SLCO5A1: variants seen among roughly 807,000 people sequenced by gnomAD.
SLCO5A1 encodes solute carrier organic anion transporter family member 5A1.
In SLCO5A1, 39 loss-of-function variants were observed where a neutral mutation model predicts 65.1. The observed-to-expected ratio is 0.60, with a 90% CI of 0.46 to 0.78. The LOEUF is 0.78. Among genes scored for constraint, SLCO5A1 ranks in the 30% least tolerant of loss-of-function variants. The pLI, the probability that SLCO5A1 is intolerant of heterozygous loss-of-function variation, is 0.00. For missense variants in SLCO5A1, 1,029 were observed against 1,069.4 expected (o/e 0.96, Z 0.53); for synonymous variants, 438 against 415.7 (o/e 1.05, Z -0.65).
At chr8:69,721,990 A>G (rs1815844563) in intron 5 of SLCO5A1, among the ~76,000 whole-genome samples, 1 of 152,086 alleles carries the variant, frequency 6.6e-6, no homozygotes, top group Non-Finnish European at 1.5e-5. Context: ...TAGCCAACAT[A>G]GCAAAACCTC....
chr8:69,715,645 T>C (rs927060404), intron 5 of SLCO5A1, among the ~76,000 whole-genome samples: 2 of 152,200 alleles, frequency 1.3e-5, no homozygotes, highest in African/African-American at 4.8e-5. Context: ...AGTCTGCACA[T>C]CTGAACTATA....
At chr8:69,797,857 G>A (rs927703773) in intron 2 of SLCO5A1, among the ~76,000 whole-genome samples, 9 of 152,206 alleles carry the variant, frequency 5.9e-5, no homozygotes, top group Non-Finnish European at 1.0e-4. Flanking sequence ...CTGTGATCTC[G>A]CCCTGCCTCC....
intron 2 of SLCO5A1, among the ~76,000 whole-genome samples, chr8:69,824,115 A>G (rs974254561): frequency 3.3e-5 from 5 of 152,128 alleles, no homozygotes; most frequent in South Asian, 2.1e-4. Context: ...TCTCTGGGAC[A>G]CATTTAAAGC....
chr8:69,784,848 A>AAAGAAAGAAAGAAAGAAAGAAAGG (rs1563722782), intron 2 of SLCO5A1, among the ~76,000 whole-genome samples: 8 of 144,158 alleles, frequency 5.5e-5, no homozygotes, highest in African/African-American at 2.0e-4. Context: ...AGAAAGAAAG[A>AAAGAAAGAAAGAAAGAAAGAAAGG]AAGAAAGAAA....
At chr8:69,688,404 T>C (rs1251450621) in intron 6 of SLCO5A1, among the ~76,000 whole-genome samples, 1 of 152,126 alleles carries the variant, frequency 6.6e-6, no homozygotes. Context: ...GTTACATATG[T>C]ATACATGTGC....
intron 2 of SLCO5A1, among the ~76,000 whole-genome samples, chr8:69,809,250 G>A (rs1025848414): frequency 1.3e-5 from 2 of 152,038 alleles, no homozygotes; most frequent in African/African-American, 4.8e-5. Flanking sequence ...AAGCTTAAAG[G>A]TTCAAAATTG....
At chr8:69,701,001 C>T (rs1012093488) in intron 6 of SLCO5A1, among the ~76,000 whole-genome samples, 2 of 151,978 alleles carry the variant, frequency 1.3e-5, no homozygotes, top group Admixed American at 6.6e-5. Flanking sequence ...GAGAGAGGCA[C>T]AGGAATTCTC....
intron 6 of SLCO5A1, among the ~76,000 whole-genome samples, 194 bp from the exon 7 acceptor site, chr8:69,682,537 C>A (rs1375003232): frequency 6.6e-6 from 1 of 152,176 alleles, no homozygotes; most frequent in African/African-American, 2.4e-5. Flanking sequence ...AATGTTTCAA[C>A]TTACTGGTAT....
At chr8:69,819,212 G>A (rs1200496991) in intron 2 of SLCO5A1, among the ~76,000 whole-genome samples, 1 of 151,988 alleles carries the variant, frequency 6.6e-6, no homozygotes, top group Non-Finnish European at 1.5e-5. Flanking sequence ...TGATGAATTT[G>A]GAATAAACCG....
chr8:69,701,745 G>A (rs1043112079), intron 6 of SLCO5A1, among the ~76,000 whole-genome samples: 1 of 152,140 alleles, frequency 6.6e-6, no homozygotes, highest in Non-Finnish European at 1.5e-5. Flanking sequence ...ATAAAACCAA[G>A]CTGCACCCCG....
chr8:69,727,766 A>C (rs539192452), intron 5 of SLCO5A1, among the ~76,000 whole-genome samples: 1 of 152,228 alleles, frequency 6.6e-6, no homozygotes, highest in Non-Finnish European at 1.5e-5. Flanking sequence ...CATTCTTTTG[A>C]TCTTTATAAG....
chr8:69,723,829 A>G (rs797019038), intron 5 of SLCO5A1, among the ~76,000 whole-genome samples: 1 of 150,114 alleles, frequency 6.7e-6, no homozygotes, highest in Non-Finnish European at 1.5e-5. Context: ...ACAGGGTGCA[A>G]TGGCGCAATC....
intron 5 of SLCO5A1, chr8:69,713,300 TGA>T (rs879481957): frequency 1.4e-4 from 22 of 152,256 alleles, no homozygotes; most frequent in Non-Finnish European, 2.8e-4. Flanking sequence ...CTTGCAAACA[TGA>T]GACTATCAAT....
intron 2 of SLCO5A1, chr8:69,794,716 G>A (rs368141731): frequency 1.4e-5 from 4 of 288,446 alleles, no homozygotes; most frequent in African/African-American, 2.3e-5. Flanking sequence ...AGCCATACTT[G>A]TTATATTAGT....
At chr8:69,759,271 C>G (rs183953351) in intron 3 of SLCO5A1, among the ~76,000 whole-genome samples, 44 of 152,188 alleles carry the variant, frequency 2.9e-4, no homozygotes, top group Admixed American at 2.7e-3. Context: ...AGCAGTTACT[C>G]AATAAAATTC....
chr8:69,794,638 G>T, intron 2 of SLCO5A1: 1 of 318,332 alleles, frequency 3.1e-6, no homozygotes. Context: ...TGCTTTCAGG[G>T]CTGTTTTTAG....
intron 6 of SLCO5A1, among the ~76,000 whole-genome samples, chr8:69,683,041 T>G (rs988190952): frequency 1.4e-4 from 22 of 152,102 alleles, no homozygotes; most frequent in African/African-American, 5.3e-4. Context: ...TCATGGTGTC[T>G]GATACAAAGA....
chr8:69,751,027 G>A (rs1817273472), intron 4 of SLCO5A1, among the ~76,000 whole-genome samples: 1 of 152,102 alleles, frequency 6.6e-6, no homozygotes, highest in Non-Finnish European at 1.5e-5. Context: ...ATTTAGTTAG[G>A]ATTTTAAATA....
At chr8:69,825,088 T>C (rs892231748) in intron 2 of SLCO5A1, among the ~76,000 whole-genome samples, 3 of 152,160 alleles carry the variant, frequency 2.0e-5, no homozygotes, top group African/African-American at 7.2e-5. Flanking sequence ...TGCTTCATGG[T>C]AAAAACTCTC....
Sources: gnomAD v4.1 joint callset for allele counts (sites outside exome capture counted in the v4.1 genomes callset) on GRCh38, gnomAD v4.1.1 for gene constraint, MANE v1.5 for transcripts, NCBI Gene and HGNC (gene_info 2026-07-23, HGNC 2026-07-21) for gene names.